The following UBASH3A variants were observed in gnomAD, a reference collection of about 807,000 sequenced individuals.
UBASH3A encodes ubiquitin associated and SH3 domain containing A, also known as ubiquitin-associated and SH3 domain-containing protein A.
Under a neutral mutation model 73.5 loss-of-function variants are expected in UBASH3A, and 63 were observed. The ratio of observed to expected loss-of-function variants is 0.86; its 90% CI spans 0.70 to 1.06. The LOEUF is 1.06. UBASH3A is among the 50% of genes least tolerant of loss of function. The pLI, the probability that UBASH3A is intolerant of heterozygous loss-of-function variation, is 0.00. For synonymous variants in UBASH3A, 363 were observed against 351.1 expected, an observed-to-expected ratio of 1.03 and a Z score of -0.38; for missense variants, 860 against 859.0, an observed-to-expected ratio of 1.00 and a Z score of -0.02.
rs546430458 is a variant in UBASH3A, at chr21:42,415,631, T to G, written c.668-811T>G. On this transcript the variant is annotated intron_variant, in intron 5 of 14. Coordinates refer to ENST00000319294, the MANE Select transcript of UBASH3A (RefSeq NM_018961.4). ...AGCAGGAAACTTTAGGTTAGGAGGC[T>G]GATTTCCCACTGCAGCCTTGGCGAG... 3.0e-4 allele frequency among the ~76,000 whole-genome samples: 45 copies of G among 152,340 alleles called. 1 individual carries two copies. Among genetic ancestry groups the G allele is most frequent in the African/African-American group, 4.8e-5 (2 of 41,580 alleles).
chr21:42,438,388 G>A (rs1028461693), intron 11 of UBASH3A, among the ~76,000 whole-genome samples: 9 of 152,168 alleles, frequency 5.9e-5, no homozygotes, highest in Non-Finnish European at 1.3e-4. Flanking sequence ...GTGCGCCGAA[G>A]GAATGAATGG....
In UBASH3A at chr21:42,404,180, G is replaced by T. The variant is rs1017007169; in HGVS notation, c.113+122G>T. 7.6e-5 allele frequency: 36 copies of T among 472,310 alleles called. 1 individual carries two copies. The highest frequency in any genetic ancestry group is 1.1e-5 in the Non-Finnish European group (3 of 277,442). 29.3% of individuals were successfully genotyped at this position (472,310 alleles called of 1,614,324 possible). A position where few individuals can be genotyped will look rare whatever the true frequency, so the allele number is the denominator to read the frequency against. Reference sequence around the variant, plus strand: ...GCTTCCTGCCAAAGCAGTGCACCTTGCAGGGTAAGACACTGCCTCTTCACA... The same window carrying T: ...GCTTCCTGCCAAAGCAGTGCACCTTTCAGGGTAAGACACTGCCTCTTCACA... On this transcript the variant is annotated intron_variant, in intron 1 of 14. Coordinates refer to ENST00000319294, the MANE Select transcript of UBASH3A (RefSeq NM_018961.4).
Position 42,413,580 on chromosome 21 carries a change from C to A in UBASH3A, c.667+57C>A. On this transcript the variant is annotated intron_variant, in intron 5 of 14. Transcript: ENST00000319294. This position sits in a 1 kb window ranked among gnomAD's most constrained non-coding sequence, Gnocchi z 4.5. ...TGGTCTTCTCTTTAGGCGGGAATAG[C>A]CTTGTTCTCATTATGTGGTTTTTAA... The A allele has an allele frequency of 7.7e-7, 1 of 1,290,470 alleles. No homozygotes were observed. Among genetic ancestry groups the A allele is most frequent in the Non-Finnish European group, 1.1e-6 (1 of 905,748 alleles). 79.9% of individuals were successfully genotyped at this position (1,290,470 alleles called of 1,614,324 possible).
At chr21:42,416,331 G>A (rs2053205927) in intron 5 of UBASH3A, 111 bp from the exon 6 acceptor site, 10 of 1,179,780 alleles carry the variant, frequency 8.5e-6, no homozygotes, top group African/African-American at 1.6e-5. Context: ...CGGGCCAAAT[G>A]AGCTCTGAGT....
Position 42,440,555 on chromosome 21 carries a change from G to A in UBASH3A, c.1487-1897G>A, listed in dbSNP as rs113099886. Reference sequence around the variant, plus strand: ...CTTTGCACCCCACCACTCAATGAGCGCATTTTGTTGGAAACCACCTAAGAT... The same window carrying A: ...CTTTGCACCCCACCACTCAATGAGCACATTTTGTTGGAAACCACCTAAGAT... On this transcript the variant is annotated intron_variant, in intron 11 of 14. Coordinates refer to ENST00000319294, the MANE Select transcript of UBASH3A (RefSeq NM_018961.4). Among the ~76,000 whole-genome samples the A allele has an allele frequency of 5.1e-4, 77 of 152,304 alleles. 1 individual carries two copies. Among genetic ancestry groups the A allele is most frequent in the African/African-American group, 1.8e-3 (73 of 41,572 alleles).
At chr21:42,439,058 CG>C (rs2053681596) in intron 11 of UBASH3A, among the ~76,000 whole-genome samples, 1 of 152,116 alleles carries the variant, frequency 6.6e-6, no homozygotes, top group South Asian at 2.1e-4. Context: ...AGATCCCCTT[CG>C]CCCCGTCAGA....
intron 2 of UBASH3A, among the ~76,000 whole-genome samples, chr21:42,407,081 C>T (rs533809386): frequency 3.3e-5 from 5 of 152,130 alleles, no homozygotes; most frequent in African/African-American, 1.2e-4. Flanking sequence ...GTGACCTCAC[C>T]AGGTACCAGC....
At chr21:42,428,111 G>A (rs1395919687) in intron 8 of UBASH3A, among the ~76,000 whole-genome samples, 1 of 152,098 alleles carries the variant, frequency 6.6e-6, no homozygotes, top group Admixed American at 6.5e-5. Context: ...CACAGGGAGG[G>A]GACACCACCG....
intron 2 of UBASH3A, among the ~76,000 whole-genome samples, chr21:42,408,846 G>T (rs924592914): frequency 2.7e-5 from 4 of 148,766 alleles, no homozygotes; most frequent in Admixed American, 6.8e-5. Context: ...TTGTGCCACT[G>T]CACTCCAGCC....
intron 2 of UBASH3A, among the ~76,000 whole-genome samples, chr21:42,406,875 GAGAT>G (rs2052988174): frequency 6.6e-6 from 1 of 152,216 alleles, no homozygotes. Context: ...GGATAAGATT[GAGAT>G]AGATAGGAGG....
At chr21:42,427,719 G>A (rs1453561183) in intron 8 of UBASH3A, among the ~76,000 whole-genome samples, 1 of 152,174 alleles carries the variant, frequency 6.6e-6, no homozygotes, top group Non-Finnish European at 1.5e-5. Context: ...CAGGCCCCTG[G>A]TGCGGAGAAA....
chr21:42,444,543 T>C lies in UBASH3A; in HGVS notation c.1748T>C (p.Ile583Thr), dbSNP rs749402805. The stretch of plus-strand genomic sequence containing the variant: ...TTCTTGTTTTCCACAGCGGGTGTCA[T>C]CCTAATTGTGAGTCACGGCTCCACT... ...VNTCPQDTGV[I>T]LIVSHGSTLD... The change falls in exon 14 of 15, where the codon ATC becomes ACC. Residue 583 changes from isoleucine (I) to threonine (T), a missense_variant. Coordinates refer to ENST00000319294, the MANE Select transcript of UBASH3A (RefSeq NM_018961.4). 6.2e-7 allele frequency: 1 copy of C among 1,612,992 alleles called. No individual in the cohort carries two copies. Among genetic ancestry groups the C allele is most frequent in the Non-Finnish European group, 8.5e-7 (1 of 1,179,868 alleles).
chr21:42,442,188 C>A (rs1405859250), intron 11 of UBASH3A, among the ~76,000 whole-genome samples: 2 of 152,194 alleles, frequency 1.3e-5, no homozygotes, highest in Non-Finnish European at 2.9e-5. Context: ...GGACACTCAC[C>A]AGCTCCTGGA....
intron 7 of UBASH3A, among the ~76,000 whole-genome samples, chr21:42,425,367 C>A (rs2053416363): frequency 6.6e-6 from 1 of 152,222 alleles, no homozygotes; most frequent in Non-Finnish European, 1.5e-5. Context: ...GATAGCAAAG[C>A]CCTACTGTCT....
At chr21:42,419,861 G>A (rs1255987095) in intron 7 of UBASH3A, among the ~76,000 whole-genome samples, 3 of 152,162 alleles carry the variant, frequency 2.0e-5, no homozygotes, top group Non-Finnish European at 2.9e-5. Context: ...TATAAAATCG[G>A]CTTTGTGTTA....
chr21:42,435,020 C>A, intron 10 of UBASH3A, 66 bp downstream of exon 10: 1 of 1,582,152 alleles, frequency 6.3e-7, no homozygotes, highest in Non-Finnish European at 8.6e-7. Context: ...GGCTAGCAGG[C>A]ATCCAGCCTG....
chr21:42,437,395 G>A, intron 10 of UBASH3A, 93 bp from the exon 11 acceptor site: 1 of 1,197,204 alleles, frequency 8.4e-7, no homozygotes, highest in Non-Finnish European at 1.2e-6. Flanking sequence ...GGCCCTTTGA[G>A]GACCCTGCCT....
intron 5 of UBASH3A, among the ~76,000 whole-genome samples, chr21:42,415,597 G>A (rs917779743): frequency 6.6e-6 from 1 of 152,190 alleles, no homozygotes; most frequent in African/African-American, 2.4e-5. Flanking sequence ...GCACCGACAC[G>A]GCGTCTCTAG....
chr21:42,416,626 C>A lies in UBASH3A; in HGVS notation c.837+15C>A. 6.5e-7 allele frequency: 1 copy of A among 1,534,290 alleles called. No individual in the cohort carries two copies. Among genetic ancestry groups the A allele is most frequent in the Admixed American group, 2.0e-5 (1 of 49,280 alleles). Reference sequence around the variant, plus strand: ...TGCACTACCAGGTGAGAGAGCTGAGCAGGGGCTCATAAGAAGCAGATGAAT... The same window carrying A: ...TGCACTACCAGGTGAGAGAGCTGAGAAGGGGCTCATAAGAAGCAGATGAAT... On this transcript the variant is annotated intron_variant, in intron 6 of 14. Transcript: ENST00000319294.
Sources: gnomAD v4.1 joint callset for allele counts (sites outside exome capture counted in the v4.1 genomes callset) on GRCh38, gnomAD v4.1.1 for gene constraint, Gnocchi (gnomAD v3.1) non-coding constraint, MANE v1.5 for transcripts, NCBI Gene and HGNC (gene_info 2026-07-23, HGNC 2026-07-21) for gene names.